IRX1: variants seen among roughly 807,000 people sequenced by gnomAD.
IRX1 encodes the protein iroquois homeobox 1.
A neutral mutation model predicts 34.1 loss-of-function variants in IRX1; 22 were observed. That is an observed-to-expected ratio of 0.64 (90% CI 0.46 to 0.92). IRX1 has a LOEUF of 0.92. Among genes scored for constraint, IRX1 ranks in the 40% least tolerant of loss-of-function variants. The probability of loss-of-function intolerance (pLI) is 0.00; values close to 1 mark genes in which losing one functional copy is unlikely to be tolerated. For missense variants in IRX1, 758 were observed against 680.0 expected, an observed-to-expected ratio of 1.11 and a Z score of -1.28; for synonymous variants, 363 against 319.0, an observed-to-expected ratio of 1.14 and a Z score of -1.47.
At chr5:3,600,349 G>A (rs1733931195) in intron 2 of IRX1, 89 bp downstream of exon 2, 2 of 1,295,156 alleles carry the variant, frequency 1.5e-6, no homozygotes, top group Admixed American at 2.7e-5. Flanking sequence ...GCATGAGCCG[G>A]GAGGGTACCA....
At position 3,600,081 on chromosome 5, in the gene IRX1, C is replaced by G; in HGVS notation, c.1133C>G (p.Ala378Gly). Residue 378 changes from alanine (A) to glycine (G), a missense_variant, in exon 2 of 4, where the codon GCA becomes GGA. This residue lies in a region of IRX1 where 529 missense variants were observed against 418.8 expected (regional missense o/e 1.26). Transcript: ENST00000302006. ...IGKFSNWTNS[A>G]FLAQGSLLNM... is the part of the protein sequence containing the mutation. ...AAGTTCTCCAACTGGACCAACAGCG[C>G]ATTCCTCGCACAGGGCTCCCTGCTC... 1 of 1,612,626 alleles carries G rather than the reference C, an allele frequency of 6.2e-7. No individual in the cohort carries two copies. Among genetic ancestry groups the G allele is most frequent in the East Asian group, 2.2e-5 (1 of 44,842 alleles).
chr5:3,596,588 C>G (rs1327086747), intron 1 of IRX1, among the ~76,000 whole-genome samples: 2 of 152,264 alleles, frequency 1.3e-5, no homozygotes, highest in African/African-American at 4.8e-5. Flanking sequence ...GCTGGGCCAT[C>G]TCGGCCTGGG....
intron 1 of IRX1, among the ~76,000 whole-genome samples, chr5:3,598,885 A>T (rs777794182): frequency 3.7e-4 from 56 of 152,010 alleles, no homozygotes; most frequent in Non-Finnish European, 6.0e-4. Context: ...TCGCCTAGGG[A>T]ACTTGCAGGG....
rs1733939912 is a variant in IRX1, at chr5:3,600,655, G to A, written c.1359G>A (p.Lys453=). 5 of 1,613,850 alleles carry A rather than the reference G, an allele frequency of 3.1e-6. No homozygotes were observed. The highest frequency in any genetic ancestry group is 3.4e-6 in the Non-Finnish European group (4 of 1,179,990). ...PRPDSPAQQL[K]SPFQPVRDNS... ...CAGATTCGCCGGCACAGCAGTTAAA[G>A]TCGCCCTTCCAGCCGGTACGCGACA... is the stretch of plus-strand genomic sequence containing the variant. The change falls in exon 3 of 4, where the codon AAG becomes AAA. Residue 453 remains lysine, a synonymous_variant. Coordinates refer to ENST00000302006, the MANE Select transcript of IRX1 (RefSeq NM_024337.4).
At position 3,596,390 on chromosome 5, in the gene IRX1, G is replaced by A. The variant is rs753947206; in HGVS notation, c.276+9G>A. ...GCCTCTTCTCGCAGATGGTGAGTGC[G>A]CCCGGCCTCCCCCGCTTCTCCTCTG... On this transcript the variant is annotated intron_variant, in intron 1 of 3. Coordinates refer to ENST00000302006, the MANE Select transcript of IRX1 (RefSeq NM_024337.4). The A allele has an allele frequency of 6.6e-7, 1 of 1,509,644 alleles. No homozygotes were observed. Among genetic ancestry groups the A allele is most frequent in the African/African-American group, 1.4e-5 (1 of 69,726 alleles). 93.5% of individuals were successfully genotyped at this position (1,509,644 alleles called of 1,614,324 possible).
chr5:3,601,085 T>TTG lies in IRX1; in HGVS notation c.*45_*46insTG. The TTG allele has an allele frequency of 7.7e-7, 1 of 1,299,816 alleles. No individual in the cohort carries two copies. The highest frequency in any genetic ancestry group is 1.1e-6 in the Non-Finnish European group (1 of 916,078). 80.5% of individuals were successfully genotyped at this position (1,299,816 alleles called of 1,614,324 possible). On this transcript the variant is annotated 3_prime_UTR_variant, in exon 4 of 4. Transcript: ENST00000302006. Reference sequence around the variant, plus strand: ...TTTGCGGGGGGGAGGGGGGAGGAGTTGGGGAGGGAGGGAATGTGGGAGGAA... The same window carrying TTG: ...TTTGCGGGGGGGAGGGGGGAGGAGTTTGGGGGAGGGAGGGAATGTGGGAGGAA...
At position 3,596,372 on chromosome 5, in the gene IRX1, C is replaced by T. The variant is rs1354894464; in HGVS notation, c.267C>T (p.Phe89=). Residue 89 remains phenylalanine (F), a synonymous_variant, in exon 1 of 4, where the codon TTC becomes TTT. Transcript: ENST00000302006. ...FLPYAADLSL[F]SQMGSQYELK... ...CCTACGCCGCGGATCTCAGCCTCTT[C>T]TCGCAGATGGTGAGTGCGCCCGGCC... is the stretch of plus-strand genomic sequence containing the variant. 7 of 1,536,782 alleles carry T rather than the reference C, an allele frequency of 4.6e-6. No homozygotes were observed. The African/African-American group carries it at 1.0e-4, about 22-fold the overall frequency.
intron 1 of IRX1, among the ~76,000 whole-genome samples, chr5:3,597,217 G>A (rs1227846526): frequency 6.6e-6 from 1 of 152,170 alleles, no homozygotes; most frequent in Non-Finnish European, 1.5e-5. Context: ...CGGGGCAGGC[G>A]GCTGCACACT....
In IRX1 at chr5:3,600,247, C is replaced by G. The variant is rs555273728; in HGVS notation, c.1299C>G (p.Ser433Arg). 6.3e-7 allele frequency: 1 copy of G among 1,593,546 alleles called. No individual in the cohort carries two copies. Among genetic ancestry groups the G allele is most frequent in the South Asian group, 1.1e-5 (1 of 89,002 alleles). Residue 433 changes from serine (S) to arginine (R), a missense_variant, in exon 2 of 4, where the codon AGC (serine) becomes AGG (arginine). Around this residue, in one of 3 missense-constraint regions of IRX1, gnomAD observed 529 missense variants for 418.8 expected, o/e 1.26. Transcript: ENST00000302006. ...GAGACAAGGCCTCGGTCCGCAGCAG[C>G]CCCACGCTCCCAGGTACAGCTCCAG... Reference protein sequence around the residue: ...LNGDKASVRSSPTLPERDLVP... With the variant: ...LNGDKASVRSRPTLPERDLVP...
At chr5:3,596,518 C>A in intron 1 of IRX1, 137 bp downstream of exon 1, 1 of 931,346 alleles carries the variant, frequency 1.1e-6, no homozygotes, top group Non-Finnish European at 1.4e-6. Flanking sequence ...GGCAGGTTCC[C>A]GGTGGCCGAG....
Position 3,599,076 on chromosome 5 carries a change from C to A in IRX1, c.277-149C>A, listed in dbSNP as rs1350497630. 2.6e-6 allele frequency: 2 copies of A among 763,838 alleles called. No individual in the cohort carries two copies. The highest frequency in any genetic ancestry group is 4.1e-6 in the Non-Finnish European group (2 of 484,526). The allele number at this position is 763,838 out of a possible 1,614,324, so 47.3% of individuals were successfully genotyped here. ...TCCTGATCTGCCCAGCACAGGAGAGCCCCGCAAAGCGCCTGGGAGGCCCTC... is the reference window on the plus strand; with the variant it reads ...TCCTGATCTGCCCAGCACAGGAGAGACCCGCAAAGCGCCTGGGAGGCCCTC... On this transcript the variant is annotated intron_variant, in intron 1 of 3. Coordinates refer to ENST00000302006, the MANE Select transcript of IRX1 (RefSeq NM_024337.4). The surrounding 1 kb of genome is among the most constrained non-coding windows in gnomAD (Gnocchi z 6.6).
chr5:3,601,158 C>T lies in IRX1; in HGVS notation c.*118C>T. ...GTGTAAAGGACAAATATGACAACGA[C>T]GTCAAGGACTCGCATCCGTCGCTTT... On this transcript the variant is annotated 3_prime_UTR_variant, in exon 4 of 4. Coordinates refer to ENST00000302006, the MANE Select transcript of IRX1 (RefSeq NM_024337.4). 3 of 955,016 alleles carry T rather than the reference C, an allele frequency of 3.1e-6. No homozygotes were observed. Among genetic ancestry groups the T allele is most frequent in the South Asian group, 2.9e-5 (2 of 69,908 alleles). The allele number at this position is 955,016 out of a possible 1,614,324, so 59.2% of individuals were successfully genotyped here. A position where few individuals can be genotyped will look rare whatever the true frequency, so the allele number is the denominator to read the frequency against.
At chr5:3,597,500 G>T (rs1029255310) in intron 1 of IRX1, among the ~76,000 whole-genome samples, 10 of 152,318 alleles carry the variant, frequency 6.6e-5, no homozygotes, top group African/African-American at 2.2e-4. Flanking sequence ...AACTTTTCTT[G>T]TAGTTTTGAA....
chr5:3,596,524 C>A, intron 1 of IRX1, 143 bp downstream of exon 1: 1 of 853,234 alleles, frequency 1.2e-6, no homozygotes, highest in Non-Finnish European at 1.6e-6. Context: ...TTCCCGGTGG[C>A]CGAGGCCGCG....
chr5:3,596,206 C>A lies in IRX1; in HGVS notation c.101C>A (p.Ala34Glu). The A allele has an allele frequency of 1.9e-6, 2 of 1,051,500 alleles. No homozygotes were observed. Among genetic ancestry groups the A allele is most frequent in the Non-Finnish European group, 2.3e-6 (2 of 874,458 alleles). 65.1% of individuals were successfully genotyped at this position (1,051,500 alleles called of 1,614,324 possible). ...RPGVLAAAAA[A>E]AAAASSGRPG... is the part of the protein sequence containing the mutation. ...GGGGTGCTGGCCGCGGCCGCTGCGGCGGCTGCCGCCGCCTCGTCGGGCCGA... is the reference window on the plus strand; with the variant it reads ...GGGGTGCTGGCCGCGGCCGCTGCGGAGGCTGCCGCCGCCTCGTCGGGCCGA... The change falls in exon 1 of 4, where the codon GCG becomes GAG. Residue 34 changes from alanine to glutamate, a missense_variant. Physicochemically the swap from Ala to Glu is moderately radical, Grantham distance 107. This residue lies in a region of IRX1 where 195 missense variants were observed against 195.0 expected (regional missense o/e 1.00). Transcript: ENST00000302006.
intron 3 of IRX1, 145 bp from the exon 4 acceptor site, chr5:3,600,838 G>A: frequency 3.5e-6 from 4 of 1,147,320 alleles, no homozygotes; most frequent in Non-Finnish European, 5.2e-6. Context: ...GCGAGCCGAG[G>A]AGACTGGAGT....
At chr5:3,596,735 A>G (rs899586940) in intron 1 of IRX1, among the ~76,000 whole-genome samples, 1 of 152,150 alleles carries the variant, frequency 6.6e-6, no homozygotes, top group African/African-American at 2.4e-5. Context: ...GGGCAGGCCC[A>G]CGGGGTTCCT....
intron 2 of IRX1, 146 bp downstream of exon 2, chr5:3,600,406 T>C (rs1455137099): frequency 3.1e-6 from 3 of 981,794 alleles, no homozygotes; most frequent in Non-Finnish European, 4.4e-6. Context: ...CCTGCTTCAA[T>C]TTAGAAAGCC....
At position 3,601,212 on chromosome 5, in the gene IRX1, G is replaced by C. The variant is rs531141543; in HGVS notation, c.*172G>C. On this transcript the variant is annotated 3_prime_UTR_variant, in exon 4 of 4. Transcript: ENST00000302006. ...CAGAAAGGGGCTTCTTCGGTCCCGA[G>C]CTCGCGTCCAGGTGGCCAGGCCTCT... The C allele has an allele frequency of 3.0e-6, 2 of 670,004 alleles. No homozygotes were observed. Among genetic ancestry groups the C allele is most frequent in the Admixed American group, 4.8e-5 (2 of 41,644 alleles). The allele number at this position is 670,004 out of a possible 1,614,324, so 41.5% of individuals were successfully genotyped here. A position where few individuals can be genotyped will look rare whatever the true frequency, so the allele number is the denominator to read the frequency against.
Sources: gnomAD v4.1 joint callset for allele counts (sites outside exome capture counted in the v4.1 genomes callset) on GRCh38, gnomAD v4.1.1 for gene constraint, gnomAD v4.1.1 regional missense constraint, Gnocchi (gnomAD v3.1) non-coding constraint, MANE v1.5 for transcripts, NCBI Gene and HGNC (gene_info 2026-07-23, HGNC 2026-07-21) for gene names.